Variants in PARD3 observed in about 807,000 individuals in gnomAD.
PARD3 encodes par-3 family cell polarity regulator, also known as partitioning defective 3 homolog.
A neutral mutation model predicts 155.4 loss-of-function variants in PARD3; 75 were observed. The ratio of observed to expected loss-of-function variants is 0.48; its 90% confidence interval spans 0.40 to 0.58. The LOEUF (loss-of-function observed/expected upper bound fraction) is 0.58. PARD3 is among the 20% of genes least tolerant of loss of function. The pLI is 0.00. For synonymous variants in PARD3, 576 were observed against 610.5 expected (o/e 0.94, Z 0.83); for missense variants, 1,642 against 1,721.7 (o/e 0.95, Z 0.82).
chr10:34,624,379 G>C (rs1444680187), intron 2 of PARD3, among the ~76,000 whole-genome samples: 1 of 152,156 alleles, frequency 6.6e-6, no homozygotes, highest in Non-Finnish European at 1.5e-5. Flanking sequence ...AAACCACAAC[G>C]AAAAGGATCT....
At chr10:34,635,915 C>T (rs2092451730) in intron 2 of PARD3, among the ~76,000 whole-genome samples, 1 of 151,964 alleles carries the variant, frequency 6.6e-6, no homozygotes, top group Non-Finnish European at 1.5e-5. Flanking sequence ...GGTCTTTAAT[C>T]CCAGGTCAAT....
At chr10:34,410,071 T>C (rs970545069) in intron 5 of PARD3, among the ~76,000 whole-genome samples, 1 of 152,182 alleles carries the variant, frequency 6.6e-6, no homozygotes, top group African/African-American at 2.4e-5. Context: ...GAAAACTGTC[T>C]TGTAACTATT....
chr10:34,270,890 T>C (rs1955581703), intron 21 of PARD3, among the ~76,000 whole-genome samples: 1 of 152,200 alleles, frequency 6.6e-6, no homozygotes, highest in Admixed American at 6.5e-5. Context: ...ACGTTTAGTT[T>C]ACTATGATTT....
chr10:34,130,655 T>C (rs1947558472), intron 23 of PARD3, among the ~76,000 whole-genome samples: 1 of 152,210 alleles, frequency 6.6e-6, no homozygotes, highest in South Asian at 2.1e-4. Flanking sequence ...AACACAGTTC[T>C]GGCACTGAGA....
chr10:34,654,443 T>A (rs115604223), intron 2 of PARD3, among the ~76,000 whole-genome samples: 3 of 152,158 alleles, frequency 2.0e-5, no homozygotes, highest in Non-Finnish European at 4.4e-5. Flanking sequence ...GCCAACAGAA[T>A]CCAAACTCTC....
intron 22 of PARD3, among the ~76,000 whole-genome samples, chr10:34,236,003 C>T (rs1295508403): frequency 6.6e-6 from 1 of 152,044 alleles, no homozygotes; most frequent in Non-Finnish European, 1.5e-5. Context: ...GTCACTAGGA[C>T]AATGTCATCT....
chr10:34,620,139 C>A (rs1031808197), intron 2 of PARD3, among the ~76,000 whole-genome samples: 3 of 152,218 alleles, frequency 2.0e-5, no homozygotes, highest in African/African-American at 7.2e-5. Flanking sequence ...TCATCAACCA[C>A]TGGCATGTGG....
chr10:34,312,438 G>A, intron 20 of PARD3: 1 of 1,577,996 alleles, frequency 6.3e-7, no homozygotes, highest in Non-Finnish European at 8.7e-7. Flanking sequence ...AAAGCAACAA[G>A]AATCTGTGTT....
chr10:34,643,733 T>A (rs898903576), intron 2 of PARD3, among the ~76,000 whole-genome samples: 1 of 152,122 alleles, frequency 6.6e-6, no homozygotes, highest in African/African-American at 2.4e-5. Flanking sequence ...CTGGGCAACA[T>A]AGTGAGACTC....
In PARD3 at chr10:34,301,783, CTG is replaced by C. The variant is rs1957158057; in HGVS notation, c.3065+15322_3065+15323del. Among the ~76,000 whole-genome samples, 12 of 150,892 alleles carry C rather than the reference CTG, an allele frequency of 8.0e-5. No individual in the cohort carries two copies. The South Asian group carries it at 2.3e-3, about 29-fold the overall frequency. ...ATCCACCCAGCTGACCAGGCTAAAA[CTG>C]TGGCAATTCTTTCTTATTGTTCTTT... On this transcript the variant is annotated intron_variant, in intron 20 of 24. Transcript: ENST00000374788.
intron 1 of PARD3, among the ~76,000 whole-genome samples, chr10:34,733,489 TTTTG>T (rs2094854333): frequency 6.6e-6 from 1 of 152,186 alleles, no homozygotes; most frequent in Non-Finnish European, 1.5e-5. Flanking sequence ...TAGAGTTTTG[TTTTG>T]TTTCTTTTGA....
intron 5 of PARD3, among the ~76,000 whole-genome samples, chr10:34,417,966 T>C (rs1218201152): frequency 6.6e-6 from 1 of 152,158 alleles, no homozygotes; most frequent in Admixed American, 6.5e-5. Context: ...TAAAAGCATA[T>C]TCATAAAAAC....
At chr10:34,218,197 C>G (rs1012729772) in intron 22 of PARD3, among the ~76,000 whole-genome samples, 1 of 152,180 alleles carries the variant, frequency 6.6e-6, no homozygotes, top group African/African-American at 2.4e-5. Context: ...CAGGACTTCT[C>G]AACCCATTAG....
intron 22 of PARD3, among the ~76,000 whole-genome samples, chr10:34,159,963 A>G (rs1949196648): frequency 6.6e-6 from 1 of 152,224 alleles, no homozygotes; most frequent in Non-Finnish European, 1.5e-5. Context: ...TTCACCCAGG[A>G]ACTTGTGTTT....
chr10:34,138,542 C>T (rs563459617), intron 22 of PARD3, among the ~76,000 whole-genome samples: 1 of 152,282 alleles, frequency 6.6e-6, no homozygotes, highest in African/African-American at 2.4e-5. Flanking sequence ...TTACTGGTTT[C>T]TCTTTCTGGC....
At chr10:34,330,606 G>A (rs1835512445) in intron 19 of PARD3, among the ~76,000 whole-genome samples, 3 of 152,040 alleles carry the variant, frequency 2.0e-5, no homozygotes, top group Non-Finnish European at 4.4e-5. Context: ...TTTGATCTCA[G>A]GATGACTTCA....
rs141820933 is a variant in PARD3 at position 34,383,225 on chromosome 10, A to T, written c.1017-303T>A. ...TGTTTTAAGTATAACAAGTATTATA[A>T]TTTCAATAATAGAAACCAAATGGAA... On this transcript the variant is annotated intron_variant, in intron 8 of 24. Transcript: ENST00000374788. 3.0e-3 allele frequency among the ~76,000 whole-genome samples: 454 copies of T among 152,304 alleles called. 2 individuals are homozygous for T. Among genetic ancestry groups the T allele is most frequent in the African/African-American group, 0.01 (430 of 41,566 alleles).
intron 3 of PARD3, among the ~76,000 whole-genome samples, chr10:34,491,368 C>T (rs2079893908): frequency 6.6e-6 from 1 of 152,260 alleles, no homozygotes; most frequent in Non-Finnish European, 1.5e-5. Flanking sequence ...GGGATTTCCA[C>T]TACTTCTTTC....
intron 22 of PARD3, among the ~76,000 whole-genome samples, chr10:34,143,562 G>A (rs1326363371): frequency 6.6e-6 from 1 of 152,032 alleles, no homozygotes; most frequent in African/African-American, 2.4e-5. Context: ...CAGCATAATT[G>A]CAAAACACTA....
Sources: allele counts gnomAD v4.1 joint callset (sites outside exome capture counted in the v4.1 genomes callset), GRCh38; gene constraint gnomAD v4.1.1; transcripts MANE v1.5; gene names NCBI Gene and HGNC (gene_info 2026-07-23, HGNC 2026-07-21).